DLGAP1: variants seen among roughly 807,000 people sequenced by gnomAD.
The protein encoded by DLGAP1 is DLG associated protein 1, also known as disks large-associated protein 1.
DLGAP1 carries 11 observed loss-of-function variants against 90.8 expected under a neutral mutation model. The ratio of observed to expected loss-of-function variants is 0.12; its 90% CI spans 0.08 to 0.20. DLGAP1 has a LOEUF of 0.20. DLGAP1 is among the 10% of genes least tolerant of loss of function. The pLI is 1.00. For missense variants in DLGAP1, 1,050 were observed against 1,333.8 expected, an observed-to-expected ratio of 0.79 and a Z score of 3.31; for synonymous variants, 558 against 540.7, an observed-to-expected ratio of 1.03 and a Z score of -0.44.
At chr18:3,772,182 CTTCCTTCCTTTCT>C (rs1568107020) in intron 5 of DLGAP1, among the ~76,000 whole-genome samples, 1 of 102,504 alleles carries the variant, frequency 9.8e-6, no homozygotes, top group Non-Finnish European at 1.9e-5. Flanking sequence ...CCTTTCTCTC[CTTCCTTCCTTTCT>C]CTTCTTCTCT....
At chr18:3,599,449 T>C (rs938202804) in intron 7 of DLGAP1, among the ~76,000 whole-genome samples, 1 of 152,156 alleles carries the variant, frequency 6.6e-6, no homozygotes, top group Non-Finnish European at 1.5e-5. Context: ...GGCTAGTGGC[T>C]TTTAGAATTG....
At chr18:4,216,920 G>A (rs555533333) in intron 1 of DLGAP1, among the ~76,000 whole-genome samples, 6 of 151,940 alleles carry the variant, frequency 3.9e-5, no homozygotes, top group South Asian at 2.1e-4. Context: ...AGGATTCACC[G>A]TTTGTGTTGT....
In DLGAP1 at chr18:4,033,904, A is replaced by C. The variant is rs1044440240; in HGVS notation, c.-158-28703T>G. 8.6e-5 allele frequency among the ~76,000 whole-genome samples: 13 copies of C among 151,036 alleles called. 1 individual carries two copies. Among genetic ancestry groups the C allele is most frequent in the Admixed American group, 7.9e-4 (12 of 15,118 alleles). The stretch of plus-strand genomic sequence containing the variant: ...CAGGTGCGTGCCACCATGCCTGGCT[A>C]ATTTTTATATTTTTAGTAGAGACAA... On this transcript the variant is annotated intron_variant, in intron 2 of 12. Coordinates refer to ENST00000315677, the MANE Select transcript of DLGAP1 (RefSeq NM_004746.4).
At position 3,879,373 on chromosome 18, in the gene DLGAP1, G is replaced by A. The variant is rs758959055; in HGVS notation, c.696C>T (p.Ala232=). The A allele has an allele frequency of 2.5e-6, 4 of 1,613,370 alleles. No individual in the cohort carries two copies. In the African/African-American group the frequency reaches 4.0e-5, roughly 16 times the overall value. Residue 232 remains alanine, a synonymous_variant, in exon 4 of 13, where the codon GCC becomes GCT. Transcript: ENST00000315677. The surrounding 1 kb of genome is among the most constrained non-coding windows in gnomAD (Gnocchi z 6.6). ...TGTAGGCCTCCAGGAAGTACTGTGA[G>A]GCCGAGCGGTCGGGGCACCTGCCCA... The part of the protein sequence containing the change: ...MTMGRCPDRS[A]SQYFLEAYNT...
intron 4 of DLGAP1, among the ~76,000 whole-genome samples, chr18:3,877,403 T>C (rs548665339): frequency 6.6e-6 from 1 of 152,232 alleles, no homozygotes; most frequent in Non-Finnish European, 1.5e-5. Context: ...ACTCTGATAC[T>C]TCTCATCTAA....
At chr18:4,242,215 T>C (rs1238613340) in intron 1 of DLGAP1, among the ~76,000 whole-genome samples, 1 of 152,162 alleles carries the variant, frequency 6.6e-6, no homozygotes. Flanking sequence ...GATTATAGCT[T>C]TCTCCCCAGG....
At chr18:4,306,477 C>T (rs1031168906) in intron 1 of DLGAP1, among the ~76,000 whole-genome samples, 2 of 135,540 alleles carry the variant, frequency 1.5e-5, no homozygotes, top group African/African-American at 5.7e-5. Flanking sequence ...GAGAGAGAGA[C>T]AGACAGAGAA....
chr18:4,391,959 A>G (rs1336526129), intron 1 of DLGAP1, among the ~76,000 whole-genome samples: 1 of 152,192 alleles, frequency 6.6e-6, no homozygotes, highest in Non-Finnish European at 1.5e-5. Flanking sequence ...CGATTGAGGT[A>G]GTTGGTTTTT....
chr18:4,026,884 C>T (rs2074708670), intron 2 of DLGAP1, among the ~76,000 whole-genome samples: 1 of 152,088 alleles, frequency 6.6e-6, no homozygotes, highest in South Asian at 2.1e-4. Context: ...AAGGTTTAGG[C>T]ACTAAGCTGC....
chr18:4,387,416 A>G (rs1415304739), intron 1 of DLGAP1, among the ~76,000 whole-genome samples: 3 of 152,240 alleles, frequency 2.0e-5, no homozygotes, highest in African/African-American at 7.2e-5. Flanking sequence ...AAATGTTATT[A>G]TAAGTAATTG....
chr18:3,934,033 C>T (rs2072579738), intron 3 of DLGAP1, among the ~76,000 whole-genome samples: 1 of 152,174 alleles, frequency 6.6e-6, no homozygotes, highest in Non-Finnish European at 1.5e-5. Context: ...CAGTAGGCAG[C>T]AGCCATGCAA....
intron 2 of DLGAP1, among the ~76,000 whole-genome samples, chr18:4,090,370 G>C (rs2075756456): frequency 6.6e-6 from 1 of 152,002 alleles, no homozygotes; most frequent in Non-Finnish European, 1.5e-5. Context: ...CTAATATCCA[G>C]AATCTACAAG....
At chr18:4,414,400 T>C (rs2082846509) in intron 1 of DLGAP1, among the ~76,000 whole-genome samples, 1 of 152,200 alleles carries the variant, frequency 6.6e-6, no homozygotes, top group African/African-American at 2.4e-5. Flanking sequence ...ATAAGCAATG[T>C]CATTATGACA....
chr18:4,024,922 G>T lies in DLGAP1; in HGVS notation c.-158-19721C>A, dbSNP rs116962339. Among the ~76,000 whole-genome samples, 80 of 152,178 alleles carry T rather than the reference G, an allele frequency of 5.3e-4. 2 individuals carry two copies. The East Asian group carries it at 0.014, about 27-fold the overall frequency. ...GAGTGAAACAGAAACCAAGTTCTTAGGCAGGCAGTGCTACCAAGTCATCAA... is the reference window on the plus strand; with the variant it reads ...GAGTGAAACAGAAACCAAGTTCTTATGCAGGCAGTGCTACCAAGTCATCAA... On this transcript the variant is annotated intron_variant, in intron 2 of 12. Coordinates refer to ENST00000315677, the MANE Select transcript of DLGAP1 (RefSeq NM_004746.4).
rs528436803 is a variant in DLGAP1 at position 3,497,391 on chromosome 18, C to T, written c.*1794G>A. On this transcript the variant is annotated 3_prime_UTR_variant, in exon 13 of 13. Coordinates refer to ENST00000315677, the MANE Select transcript of DLGAP1 (RefSeq NM_004746.4). The stretch of plus-strand genomic sequence containing the variant: ...AGTGAGTAGCCCTTTTCTTGTAAAC[C>T]ACAGCAGTAAACATTTGTGCCCTGT... The T allele has an allele frequency of 6.6e-6, 1 of 152,180 alleles. No homozygotes were observed. The highest frequency in any genetic ancestry group is 2.1e-4 in the South Asian group (1 of 4,822). The allele number at this position is 152,180 out of a possible 1,614,324, so 9.4% of individuals were successfully genotyped here.
intron 3 of DLGAP1, among the ~76,000 whole-genome samples, chr18:3,905,090 G>A (rs367926231): frequency 5.3e-5 from 8 of 151,466 alleles, no homozygotes; most frequent in East Asian, 1.9e-4. Flanking sequence ...TGAATAGGCC[G>A]GGCATGGTGG....
At chr18:4,279,111 C>T (rs1304412405) in intron 1 of DLGAP1, among the ~76,000 whole-genome samples, 6 of 152,170 alleles carry the variant, frequency 3.9e-5, no homozygotes, top group Admixed American at 3.3e-4. Context: ...GCAGAACAAG[C>T]GCTGGACTGG....
intron 3 of DLGAP1, among the ~76,000 whole-genome samples, chr18:3,924,430 T>A (rs930067982): frequency 1.2e-4 from 18 of 152,244 alleles, no homozygotes; most frequent in Non-Finnish European, 2.5e-4. Context: ...CTAGATTTTC[T>A]GTTTATGTTT....
Position 3,684,688 on chromosome 18 carries a change from C to T in DLGAP1, c.1591+44447G>A, listed in dbSNP as rs191088978. Among the ~76,000 whole-genome samples the T allele has an allele frequency of 6.6e-5, 10 of 152,180 alleles. 1 individual carries two copies. The highest frequency in any genetic ancestry group is 2.1e-4 in the South Asian group (1 of 4,818). On this transcript the variant is annotated intron_variant, in intron 7 of 12. Coordinates refer to ENST00000315677, the MANE Select transcript of DLGAP1 (RefSeq NM_004746.4). The stretch of plus-strand genomic sequence containing the variant: ...TTGGGGCACCCCTTCAGGGCAGTTG[C>T]GGTGTTCACTGACAGAGACTAGGCA...
Sources: gnomAD v4.1 joint callset for allele counts (sites outside exome capture counted in the v4.1 genomes callset) on GRCh38, gnomAD v4.1.1 for gene constraint, Gnocchi (gnomAD v3.1) non-coding constraint, MANE v1.5 for transcripts, NCBI Gene and HGNC (gene_info 2026-07-23, HGNC 2026-07-21) for gene names.